The following STAG1 variants were observed in gnomAD, a reference collection of about 807,000 sequenced individuals.
STAG1 encodes cohesin subunit SA-1.
Under a neutral mutation model 170.9 loss-of-function variants are expected in STAG1, and 26 were observed. That is an observed-to-expected ratio of 0.15 (90% confidence interval 0.11 to 0.21). The LOEUF (loss-of-function observed/expected upper bound fraction) is 0.21, where lower values mean the gene tolerates loss of function less well. Ranked by LOEUF, STAG1 falls within the 10% of genes least tolerant of loss-of-function variation. STAG1 has a pLI of 1.00. For missense variants in STAG1, 964 were observed against 1,509.5 expected, an observed-to-expected ratio of 0.64 and a Z score of 5.99; for synonymous variants, 514 against 497.7, an observed-to-expected ratio of 1.03 and a Z score of -0.44.
intron 7 of STAG1, among the ~76,000 whole-genome samples, chr3:136,504,340 C>T (rs1409605254): frequency 6.6e-6 from 1 of 151,956 alleles, no homozygotes; most frequent in African/African-American, 2.4e-5. Context: ...AAATTAGTGA[C>T]CAGAAATGGA....
intron 1 of STAG1, among the ~76,000 whole-genome samples, chr3:136,700,655 G>A (rs1488746775): frequency 6.6e-6 from 1 of 151,548 alleles, no homozygotes; most frequent in African/African-American, 2.4e-5. Flanking sequence ...CCTGACCACA[G>A]GTGATCCACC....
chr3:136,683,742 A>G lies in STAG1; in HGVS notation c.-83-52761T>C, dbSNP rs78205067. Among the ~76,000 whole-genome samples the G allele has an allele frequency of 1.7e-3, 266 of 152,356 alleles. 4 individuals are homozygous for G. In the East Asian group the frequency reaches 0.048, roughly 27 times the overall value. ...AATAAAAGGCATACAGAATGGGAAG[A>G]AAAAAGTCAAAACAGTCTCTGTTCC... On this transcript the variant is annotated intron_variant, in intron 1 of 33. Transcript: ENST00000383202.
At position 136,739,743 on chromosome 3, in the gene STAG1, G is replaced by C. The variant is rs541812366; in HGVS notation, c.-84+12452C>G. ...AGAGGCTGAGGCAGGAGAATCACTTGAACCTAGGAGGCAGAGGTTGCAGTG... is the reference window on the plus strand; with the variant it reads ...AGAGGCTGAGGCAGGAGAATCACTTCAACCTAGGAGGCAGAGGTTGCAGTG... On this transcript the variant is annotated intron_variant, in intron 1 of 33. Coordinates refer to ENST00000383202, the MANE Select transcript of STAG1 (RefSeq NM_005862.3). 2.0e-3 allele frequency among the ~76,000 whole-genome samples: 309 copies of C among 151,918 alleles called. 1 individual carries two copies. The highest frequency in any genetic ancestry group is 7.1e-3 in the African/African-American group (294 of 41,442).
intron 3 of STAG1, among the ~76,000 whole-genome samples, chr3:136,606,258 G>A (rs1284099557): frequency 2.0e-5 from 3 of 151,068 alleles, no homozygotes; most frequent in African/African-American, 4.9e-5. Context: ...ACACAATCTC[G>A]ACTCACTGCA....
At chr3:136,586,969 T>C (rs1008963943) in intron 4 of STAG1, 11 of 444,604 alleles carry the variant, frequency 2.5e-5, no homozygotes, top group Non-Finnish European at 3.6e-5. Flanking sequence ...CTTAGATTCC[T>C]GAATCATCCT....
intron 9 of STAG1, among the ~76,000 whole-genome samples, chr3:136,491,302 A>G (rs1226521420): frequency 3.3e-5 from 5 of 151,962 alleles, no homozygotes; most frequent in Admixed American, 2.0e-4. Flanking sequence ...TTTTCCTGAA[A>G]CTTCTTTTTA....
chr3:136,673,083 G>T (rs1370544480), intron 1 of STAG1, among the ~76,000 whole-genome samples: 3 of 152,144 alleles, frequency 2.0e-5, no homozygotes, highest in Admixed American at 2.0e-4. Flanking sequence ...CTACTGGATT[G>T]AAAAAGGGAA....
At chr3:136,348,910 A>G in intron 29 of STAG1, 1 of 501,436 alleles carries the variant, frequency 2.0e-6, no homozygotes, top group Middle Eastern at 5.5e-4. Flanking sequence ...GATTTTATAG[A>G]CCTAGCTAAT....
At chr3:136,647,431 T>C (rs1030210937) in intron 1 of STAG1, among the ~76,000 whole-genome samples, 5 of 152,094 alleles carry the variant, frequency 3.3e-5, no homozygotes, top group Non-Finnish European at 7.4e-5. Context: ...TAGCCGGGCC[T>C]GGTAGCGCTA....
At chr3:136,419,263 T>C (rs1456795368) in intron 20 of STAG1, among the ~76,000 whole-genome samples, 1 of 152,190 alleles carries the variant, frequency 6.6e-6, no homozygotes, top group South Asian at 2.1e-4. Flanking sequence ...AATTTACTTG[T>C]ATATAAAGGC....
chr3:136,489,581 C>G (rs780190459), intron 9 of STAG1, among the ~76,000 whole-genome samples: 16 of 152,118 alleles, frequency 1.1e-4, no homozygotes, highest in Non-Finnish European at 1.9e-4. Context: ...GGCACACTCT[C>G]TAAATTGCAG....
chr3:136,655,219 C>T (rs1235817190), intron 1 of STAG1, among the ~76,000 whole-genome samples: 2 of 152,130 alleles, frequency 1.3e-5, no homozygotes, highest in African/African-American at 2.4e-5. Flanking sequence ...CAGGAGAAAA[C>T]CTTTGCCAAG....
intron 1 of STAG1, among the ~76,000 whole-genome samples, chr3:136,684,254 A>C (rs1488602002): frequency 6.6e-6 from 1 of 152,218 alleles, no homozygotes; most frequent in Non-Finnish European, 1.5e-5. Context: ...CAAAGTCGGA[A>C]AACTAACCGT....
intron 1 of STAG1, among the ~76,000 whole-genome samples, chr3:136,715,250 T>C (rs1352877488): frequency 1.3e-5 from 2 of 150,252 alleles, no homozygotes; most frequent in Non-Finnish European, 3.0e-5. Context: ...AGGGCTCAAG[T>C]AATCCTTTCG....
chr3:136,464,781 A>G (rs2089404642), intron 13 of STAG1, 100 bp downstream of exon 13: 4 of 919,788 alleles, frequency 4.3e-6, no homozygotes, highest in Non-Finnish European at 6.6e-6. Flanking sequence ...GGACATTTTC[A>G]GCACTGTGTT....
At chr3:136,730,146 A>C (rs1933933063) in intron 1 of STAG1, among the ~76,000 whole-genome samples, 1 of 151,894 alleles carries the variant, frequency 6.6e-6, no homozygotes, top group Non-Finnish European at 1.5e-5. Flanking sequence ...CTCCCACCAC[A>C]GCCTCTCAAG....
chr3:136,400,575 G>A (rs1337954368), intron 21 of STAG1, among the ~76,000 whole-genome samples: 1 of 146,482 alleles, frequency 6.8e-6, no homozygotes, highest in East Asian at 2.0e-4. Flanking sequence ...TCGCTTTGTT[G>A]CCCAGGCGGG....
chr3:136,468,732 C>T (rs1320646953), intron 12 of STAG1, among the ~76,000 whole-genome samples: 1 of 152,154 alleles, frequency 6.6e-6, no homozygotes, highest in Non-Finnish European at 1.5e-5. Context: ...ACGCAAATAT[C>T]CTCAATAAAA....
In STAG1 at chr3:136,498,257, C is replaced by CACACATACATATACAT. The variant is rs1553733393; in HGVS notation, c.902+1965_902+1966insATGTATATGTATGTGT. ...ATACACATACATATACATACACACA[C>CACACATACATATACAT]ACACACACACACACACCACACACAC... On this transcript the variant is annotated intron_variant, in intron 9 of 33. Transcript: ENST00000383202. Among the ~76,000 whole-genome samples, 337 of 83,604 alleles carry CACACATACATATACAT rather than the reference C, an allele frequency of 4.0e-3. 9 individuals carry two copies. The highest frequency in any genetic ancestry group is 0.013 in the African/African-American group (210 of 15,920). 54.8% of individuals were successfully genotyped at this position (83,604 alleles called of 152,430 possible). A position where few individuals can be genotyped will look rare whatever the true frequency, so the allele number is the denominator to read the frequency against.
Sources: gnomAD v4.1 joint callset for allele counts (sites outside exome capture counted in the v4.1 genomes callset) on GRCh38, gnomAD v4.1.1 for gene constraint, MANE v1.5 for transcripts, NCBI Gene and HGNC (gene_info 2026-07-23, HGNC 2026-07-21) for gene names.